Variants in CLCA2 observed in about 807,000 individuals in gnomAD.
CLCA2 encodes the protein chloride channel accessory 2.
Under a neutral mutation model 82.9 loss-of-function variants are expected in CLCA2, and 85 were observed. The observed-to-expected ratio is 1.03, with a 90% confidence interval of 0.86 to 1.23. The LOEUF (loss-of-function observed/expected upper bound fraction) is 1.23. Among genes scored for constraint, CLCA2 ranks in the 50% most tolerant of loss-of-function variants. CLCA2 has a pLI of 0.00. For missense variants in CLCA2, 1,089 were observed against 1,124.8 expected, an observed-to-expected ratio of 0.97 and a Z score of 0.45; for synonymous variants, 421 against 391.7, an observed-to-expected ratio of 1.07 and a Z score of -0.88.
rs55906076 is a variant in CLCA2, at chr1:86,438,966, G to A, written c.1063G>A (p.Asp355Asn). The part of the protein sequence containing the change: ...IHTFVGIASF[D>N]SKGEIRAQLH... ...TACCTTCGTGGGCATTGCCAGTTTC[G>A]ACAGCAAAGGAGAGATCAGAGCCCA... Residue 355 changes from aspartate (D) to asparagine (N), a missense_variant, in exon 7 of 14, where the codon GAC (aspartate) becomes AAC (asparagine). Transcript: ENST00000370565. 136 of 1,614,018 alleles carry A rather than the reference G, an allele frequency of 8.4e-5. No individual in the cohort carries two copies. The highest frequency in any genetic ancestry group is 3.3e-4 in the Admixed American group (20 of 60,002).
In CLCA2 at chr1:86,434,655, T is replaced by C. The variant is rs563454874; in HGVS notation, c.882T>C (p.Thr294=). The change falls in exon 6 of 14, where the codon ACT becomes ACC. Residue 294 remains threonine, a synonymous_variant. Transcript: ENST00000370565. The part of the protein sequence containing the change: ...DFHHSFPMNG[T]ELPPPPTFSL... Reference sequence around the variant, plus strand: ...ACCACAGCTTTCCCATGAATGGGACTGAGCTTCCACCTCCTCCCACATTCT... The same window carrying C: ...ACCACAGCTTTCCCATGAATGGGACCGAGCTTCCACCTCCTCCCACATTCT... 3 of 1,614,132 alleles carry C rather than the reference T, an allele frequency of 1.9e-6. No individual in the cohort carries two copies. Among genetic ancestry groups the C allele is most frequent in the Admixed American group, 1.7e-5 (1 of 60,010 alleles).
chr1:86,441,542 A>G lies in CLCA2; in HGVS notation c.1487A>G (p.Gln496Arg), dbSNP rs184189407. 8.4e-5 allele frequency: 135 copies of G among 1,598,180 alleles called. 1 individual carries two copies. The highest frequency in any genetic ancestry group is 3.5e-5 in the Non-Finnish European group (41 of 1,166,636). ...GGAGACATTTTCCAGCAACATATTC[A>G]GGTCAGAATTTTCTCAATGTTATAT... ...GTGDIFQQHI[Q>R]LESTGENVKP... Residue 496 changes from glutamine (Q) to arginine (R), a missense_variant and splice_region_variant, in exon 9 of 14, where the codon CAG becomes CGG. Coordinates refer to ENST00000370565, the MANE Select transcript of CLCA2 (RefSeq NM_006536.7).
intron 6 of CLCA2, 116 bp from the exon 7 acceptor site, chr1:86,438,760 T>A (rs1662662453): frequency 8.4e-6 from 7 of 833,680 alleles, no homozygotes; most frequent in Non-Finnish European, 1.3e-5. Flanking sequence ...GCTCAAAAAA[T>A]TATGATCCAA....
At chr1:86,442,452 C>T (rs956502801) in intron 9 of CLCA2, among the ~76,000 whole-genome samples, 1 of 152,264 alleles carries the variant, frequency 6.6e-6, no homozygotes, top group Middle Eastern at 3.4e-3. Context: ...TAAGCCTTAA[C>T]GTTCCCAAAC....
At position 86,455,209 on chromosome 1, in the gene CLCA2, G is replaced by A. The variant is rs754437904; in HGVS notation, c.2514G>A (p.Thr838=). The change falls in exon 14 of 14, where the codon ACG becomes ACA. Residue 838 remains threonine, a synonymous_variant. Transcript: ENST00000370565. Reference sequence around the variant, plus strand: ...AAGCTGGCATCAGGGAGATATTTACGTTCTCACCCCAAATTTCCACGAATG... The same window carrying A: ...AAGCTGGCATCAGGGAGATATTTACATTCTCACCCCAAATTTCCACGAATG... ...PQQAGIREIF[T]FSPQISTNGP... is the part of the protein sequence containing the mutation. 9.3e-6 allele frequency: 15 copies of A among 1,613,866 alleles called. No homozygotes were observed. The highest frequency in any genetic ancestry group is 3.3e-5 in the Admixed American group (2 of 59,962).
At chr1:86,453,190 A>G (rs1027677572) in intron 12 of CLCA2, among the ~76,000 whole-genome samples, 179 bp from the exon 13 acceptor site, 3 of 152,202 alleles carry the variant, frequency 2.0e-5, no homozygotes, top group Admixed American at 2.0e-4. Context: ...AATAAAATAA[A>G]GATCTACTGA....
chr1:86,435,270 T>C (rs1241293154), intron 6 of CLCA2, among the ~76,000 whole-genome samples: 1 of 152,208 alleles, frequency 6.6e-6, no homozygotes, highest in Non-Finnish European at 1.5e-5. Flanking sequence ...TTTCTAACCC[T>C]TATTTTTGCT....
At position 86,426,133 on chromosome 1, in the gene CLCA2, G is replaced by T. The variant is rs1053869526; in HGVS notation, c.324+657G>T. 2.0e-5 allele frequency among the ~76,000 whole-genome samples: 3 copies of T among 152,174 alleles called. No individual in the cohort carries two copies. In the Middle Eastern group the frequency reaches 0.01, roughly 518 times the overall value. Reference sequence around the variant, plus strand: ...CCATGATGATGTCTGGTACATACTAGTGTGCACACTATAAATAAATGATAA... The same window carrying T: ...CCATGATGATGTCTGGTACATACTATTGTGCACACTATAAATAAATGATAA... On this transcript the variant is annotated intron_variant, in intron 2 of 13. Transcript: ENST00000370565.
intron 3 of CLCA2, among the ~76,000 whole-genome samples, chr1:86,429,496 A>G (rs1269543036): frequency 1.3e-5 from 2 of 152,154 alleles, no homozygotes; most frequent in Non-Finnish European, 2.9e-5. Flanking sequence ...ATCTAGGCAA[A>G]TTCATTGTGA....
At chr1:86,445,398 A>T (rs1662830601) in intron 10 of CLCA2, 1 of 92,282 alleles carries the variant, frequency 1.1e-5, no homozygotes, top group African/African-American at 4.5e-5. Context: ...GAAGATTCGC[A>T]TTTATTCCAG....
chr1:86,428,976 G>A (rs1662443024), intron 3 of CLCA2, among the ~76,000 whole-genome samples: 3 of 152,206 alleles, frequency 2.0e-5, no homozygotes, highest in Non-Finnish European at 4.4e-5. Flanking sequence ...TGATGATGGT[G>A]CAGGGAGACT....
In CLCA2 at chr1:86,447,540, C is replaced by T. The variant is rs1272654900; in HGVS notation, c.1746C>T (p.Thr582=). Residue 582 remains threonine, a synonymous_variant, in exon 11 of 14, where the codon ACC becomes ACT. Transcript: ENST00000370565. ...PGHWTYTLNN[T]HHSLQALKVT... ...ACTGGACTTACACCCTGAACAATAC[C>T]CATCATTCTCTGCAAGCCCTGAAAG... is the stretch of plus-strand genomic sequence containing the variant. 1 of 1,613,868 alleles carries T rather than the reference C, an allele frequency of 6.2e-7. No individual in the cohort carries two copies. The highest frequency in any genetic ancestry group is 1.3e-5 in the African/African-American group (1 of 74,858).
chr1:86,443,922 G>A lies in CLCA2; in HGVS notation c.1624G>A (p.Asp542Asn), dbSNP rs758646765. Residue 542 changes from aspartate to asparagine, a missense_variant, in exon 10 of 14, where the codon GAT (aspartate) becomes AAT (asparagine). Physicochemically the swap from Asp to Asn is conservative, Grantham distance 23. Transcript: ENST00000370565. ...TGGTCCTCCTGAGATTATATTATTT[G>A]ATCCTGATGGACGAAAATACTACAC... ...ASGPPEIILF[D>N]PDGRKYYTNN... 1.6e-5 allele frequency: 26 copies of A among 1,613,456 alleles called. No homozygotes were observed. The East Asian group carries it at 4.5e-4, about 28-fold the overall frequency.
chr1:86,427,220 C>T (rs548747949), intron 2 of CLCA2, among the ~76,000 whole-genome samples: 1 of 151,850 alleles, frequency 6.6e-6, no homozygotes, highest in East Asian at 1.9e-4. Flanking sequence ...ATAAAGTAAC[C>T]CCAAACAGCC....
intron 2 of CLCA2, among the ~76,000 whole-genome samples, chr1:86,426,434 CA>C (rs1662388951): frequency 6.6e-6 from 1 of 152,074 alleles, no homozygotes; most frequent in Non-Finnish European, 1.5e-5. Flanking sequence ...AATGGTATAG[CA>C]ATCCAGATAG....
At chr1:86,435,911 T>C (rs72720130) in intron 6 of CLCA2, among the ~76,000 whole-genome samples, 38,239 of 144,338 alleles carry the variant, frequency 0.26, 5,144 homozygotes, top group Admixed American at 0.33. Flanking sequence ...AAAATAAGGA[T>C]GGGTTTACAT....
intron 11 of CLCA2, among the ~76,000 whole-genome samples, chr1:86,449,544 TTCTAAA>T (rs1662919057): frequency 6.6e-6 from 1 of 152,066 alleles, no homozygotes; most frequent in East Asian, 1.9e-4. Context: ...CAAAAAAGAG[TTCTAAA>T]TCTATCTTGA....
chr1:86,424,699 A>T (rs1301409963), intron 1 of CLCA2, among the ~76,000 whole-genome samples: 1 of 152,130 alleles, frequency 6.6e-6, no homozygotes, highest in Admixed American at 6.5e-5. Context: ...GTTTTCCTAC[A>T]TGACTGTTTT....
chr1:86,438,162 G>A (rs1662651867), intron 6 of CLCA2, among the ~76,000 whole-genome samples: 1 of 152,154 alleles, frequency 6.6e-6, no homozygotes, highest in African/African-American at 2.4e-5. Context: ...AGAGATCAGT[G>A]TCATCCCTGA....
Sources: gnomAD v4.1 joint callset for allele counts (sites outside exome capture counted in the v4.1 genomes callset) on GRCh38, gnomAD v4.1.1 for gene constraint, MANE v1.5 for transcripts, NCBI Gene and HGNC (gene_info 2026-07-23, HGNC 2026-07-21) for gene names.